MSH5: variants seen among roughly 807,000 people sequenced by gnomAD.
MSH5 encodes the protein mutS homolog 5.
MSH5 carries 78 observed loss-of-function variants against 107.7 expected under a neutral mutation model. That is an observed-to-expected ratio of 0.72 (90% CI 0.60 to 0.87). The LOEUF is 0.87. MSH5 is among the 40% of genes least tolerant of loss of function. The pLI, the probability that MSH5 is intolerant of heterozygous loss-of-function variation, is 0.00. For synonymous variants in MSH5, 326 were observed against 399.5 expected (o/e 0.82, Z 2.19); for missense variants, 889 against 1,046.6 (o/e 0.85, Z 2.08).
At chr6:31,755,595 C>T (rs1810381983) in intron 12 of MSH5, among the ~76,000 whole-genome samples, 1 of 152,156 alleles carries the variant, frequency 6.6e-6, no homozygotes, top group South Asian at 2.1e-4. Context: ...CTCCCGACCT[C>T]AGATGATCTG....
At chr6:31,757,995 A>C in intron 12 of MSH5, 170 bp from the exon 13 acceptor site, 1 of 742,042 alleles carries the variant, frequency 1.3e-6, no homozygotes, top group Non-Finnish European at 2.2e-6. Flanking sequence ...TTGTCTTTGT[A>C]GTTTCAGTGT....
chr6:31,743,915 A>C lies in MSH5; in HGVS notation c.427A>C (p.Ser143Arg). 1 of 1,613,288 alleles carries C rather than the reference A, an allele frequency of 6.2e-7. No individual in the cohort carries two copies. The highest frequency in any genetic ancestry group is 8.5e-7 in the Non-Finnish European group (1 of 1,179,992). ...LPSVDFGLEISKQRLLSGNYS... is the reference protein window; with the variant it reads ...LPSVDFGLEIRKQRLLSGNYS... ...CCTCCCTCAAATAGGTCTGGAGATAAGCAAACAACGCCTCCTTTCTGGAAA... is the reference window on the plus strand; with the variant it reads ...CCTCCCTCAAATAGGTCTGGAGATACGCAAACAACGCCTCCTTTCTGGAAA... Residue 143 changes from serine to arginine, a missense_variant, in exon 6 of 25, where the codon AGC (serine) becomes CGC (arginine). Around this residue, in one of 3 missense-constraint regions of MSH5, gnomAD observed 518 missense variants for 565.0 expected, o/e 0.92. Transcript: ENST00000375750.
chr6:31,750,638 G>T (rs1359182981), intron 10 of MSH5, among the ~76,000 whole-genome samples: 1 of 152,184 alleles, frequency 6.6e-6, no homozygotes, highest in Non-Finnish European at 1.5e-5. Context: ...TCTAAAGTGG[G>T]GATGGCTATT....
Position 31,761,455 on chromosome 6 carries a change from C to T in MSH5, c.2038-17C>T. ...GGTCCCCATGGCTCCGAATGCTAAC[C>T]TCTGCCCTCTTTGCAGGTGGATGGG... On this transcript the variant is annotated splice_polypyrimidine_tract_variant and intron_variant, in intron 21 of 24. Coordinates refer to ENST00000375750, the MANE Select transcript of MSH5 (RefSeq NM_172166.4). The surrounding 1 kb of genome is among the most constrained non-coding windows in gnomAD (Gnocchi z 5.3). 6.2e-7 allele frequency: 1 copy of T among 1,612,452 alleles called. No individual in the cohort carries two copies. Among genetic ancestry groups the T allele is most frequent in the Non-Finnish European group, 8.5e-7 (1 of 1,179,996 alleles).
intron 9 of MSH5, among the ~76,000 whole-genome samples, 167 bp downstream of exon 9, chr6:31,745,486 G>C (rs972172258): frequency 6.6e-6 from 1 of 151,546 alleles, no homozygotes; most frequent in African/African-American, 2.4e-5. Flanking sequence ...CCCCAAGCTT[G>C]AGCATCTTCC....
chr6:31,757,977 T>C, intron 12 of MSH5, 188 bp from the exon 13 acceptor site: 1 of 697,500 alleles, frequency 1.4e-6, no homozygotes. Context: ...GCCAGGACCA[T>C]ATCTTAATTG....
At position 31,761,064 on chromosome 6, in the gene MSH5, A is replaced by T; in HGVS notation, c.1963-124A>T. 9.5e-7 allele frequency: 1 copy of T among 1,057,160 alleles called. No homozygotes were observed. Among genetic ancestry groups the T allele is most frequent in the East Asian group, 2.6e-5 (1 of 38,380 alleles). The allele number at this position is 1,057,160 out of a possible 1,614,324, so 65.5% of individuals were successfully genotyped here. A position where few individuals can be genotyped will look rare whatever the true frequency, so the allele number is the denominator to read the frequency against. On this transcript the variant is annotated intron_variant, in intron 20 of 24. Coordinates refer to ENST00000375750, the MANE Select transcript of MSH5 (RefSeq NM_172166.4). The surrounding 1 kb of genome is among the most constrained non-coding windows in gnomAD (Gnocchi z 5.3). ...AGAGGATGAACAAAGCGTGCACCTC[A>T]CCATTCAAGAACTTGCAGTGCAGTA...
intron 3 of MSH5, among the ~76,000 whole-genome samples, chr6:31,741,857 T>G (rs1808944409): frequency 6.6e-6 from 1 of 152,052 alleles, no homozygotes; most frequent in South Asian, 2.1e-4. Flanking sequence ...CTCAGACTGC[T>G]TCAACTCATG....
chr6:31,741,516 C>T (rs1448711703), intron 3 of MSH5, among the ~76,000 whole-genome samples: 1 of 152,062 alleles, frequency 6.6e-6, no homozygotes, highest in East Asian at 1.9e-4. Context: ...GTAGCTGGGA[C>T]TACAGGCGTG....
rs1192553829 is a variant in MSH5, at chr6:31,740,789, C to T, written c.147+176C>T. Among the ~76,000 whole-genome samples, 1 of 152,080 alleles carries T rather than the reference C, an allele frequency of 6.6e-6. No individual in the cohort carries two copies. Among genetic ancestry groups the T allele is most frequent in the Non-Finnish European group, 1.5e-5 (1 of 67,992 alleles). On this transcript the variant is annotated intron_variant, in intron 2 of 24. Coordinates refer to ENST00000375750, the MANE Select transcript of MSH5 (RefSeq NM_172166.4). This position sits in a 1 kb window ranked among gnomAD's most constrained non-coding sequence, Gnocchi z 4.4. ...CAGCCTGGGCAACATGGCGAAACCC[C>T]GTCTCTACTAAAAATATAAAAATTA...
rs200755245 is a variant in MSH5, at chr6:31,761,521, G to A, written c.2087G>A (p.Arg696His). Residue 696 changes from arginine (R) to histidine (H), a missense_variant, in exon 22 of 25, where the codon CGT becomes CAT. Physicochemically the swap from Arg to His is conservative, Grantham distance 29 (BLOSUM62 0). This residue lies in a region of MSH5 where 362 missense variants were observed against 456.2 expected (regional missense o/e 0.79). Coordinates refer to ENST00000375750, the MANE Select transcript of MSH5 (RefSeq NM_172166.4). The surrounding 1 kb of genome is among the most constrained non-coding windows in gnomAD (Gnocchi z 5.3). ...LAAVLRHWLA[R>H]GPTCPHIFVA... ...GCTGTGCTCCGACACTGGCTGGCACGTGGACCCACATGCCCCCACATCTTT... is the reference window on the plus strand; with the variant it reads ...GCTGTGCTCCGACACTGGCTGGCACATGGACCCACATGCCCCCACATCTTT... 6.6e-5 allele frequency: 107 copies of A among 1,613,732 alleles called. No homozygotes were observed. The highest frequency in any genetic ancestry group is 5.2e-5 in the Non-Finnish European group (61 of 1,180,038).
Position 31,758,841 on chromosome 6 carries a change from G to T in MSH5, c.1292G>T (p.Arg431Leu), listed in dbSNP as rs146419845. 6 of 1,614,044 alleles carry T rather than the reference G, an allele frequency of 3.7e-6. No individual in the cohort carries two copies. Among genetic ancestry groups the T allele is most frequent in the Admixed American group, 1.7e-5 (1 of 59,996 alleles). ...AAGGAGCTGGAGAATCTGGACTCCC[G>T]TATTCCTTCATGCAGTGTCATCTAC... ...ARKELENLDS[R>L]IPSCSVIYIP... is the part of the protein sequence containing the mutation. The change falls in exon 15 of 25, where the codon CGT becomes CTT. Residue 431 changes from arginine (R) to leucine (L), a missense_variant. Coordinates refer to ENST00000375750, the MANE Select transcript of MSH5 (RefSeq NM_172166.4). This position sits in a 1 kb window ranked among gnomAD's most constrained non-coding sequence, Gnocchi z 5.1.
intron 9 of MSH5, among the ~76,000 whole-genome samples, chr6:31,747,054 C>T (rs752902105): frequency 2.0e-5 from 3 of 150,462 alleles, no homozygotes; most frequent in Non-Finnish European, 4.4e-5. Flanking sequence ...CTCCTGACCA[C>T]GTGATCCGTC....
At position 31,761,739 on chromosome 6, in the gene MSH5, C is replaced by T; in HGVS notation, c.2182-79C>T. On this transcript the variant is annotated intron_variant, in intron 22 of 24. Coordinates refer to ENST00000375750, the MANE Select transcript of MSH5 (RefSeq NM_172166.4). The surrounding 1 kb of genome is among the most constrained non-coding windows in gnomAD (Gnocchi z 5.3). ...GAGACCACATCCCTTCCCTTTTCTCCCTCCCCACAGGATTGGCCAAGGGTT... is the reference window on the plus strand; with the variant it reads ...GAGACCACATCCCTTCCCTTTTCTCTCTCCCCACAGGATTGGCCAAGGGTT... 1 of 1,612,350 alleles carries T rather than the reference C, an allele frequency of 6.2e-7. No individual in the cohort carries two copies. Among genetic ancestry groups the T allele is most frequent in the South Asian group, 1.1e-5 (1 of 91,026 alleles).
Position 31,745,296 on chromosome 6 carries a change from T to C in MSH5, c.743T>C (p.Leu248Pro). The C allele has an allele frequency of 6.2e-7, 1 of 1,613,244 alleles. No individual in the cohort carries two copies. Among genetic ancestry groups the C allele is most frequent in the South Asian group, 1.1e-5 (1 of 91,058 alleles). ...HPSVYKVASG[L>P]KEGLSLFGIL... ...TCAGTGTACAAAGTGGCCAGTGGACTGAAGGAGGGGCTCAGCCTCTTTGGT... is the reference window on the plus strand; with the variant it reads ...TCAGTGTACAAAGTGGCCAGTGGACCGAAGGAGGGGCTCAGCCTCTTTGGT... Residue 248 changes from leucine (L) to proline (P), a missense_variant, in exon 9 of 25, where the codon CTG becomes CCG. Transcript: ENST00000375750.
At position 31,753,163 on chromosome 6, in the gene MSH5, C is replaced by G. The variant is rs1463752014; in HGVS notation, c.813-138C>G. On this transcript the variant is annotated intron_variant, in intron 10 of 24. Transcript: ENST00000375750. Reference sequence around the variant, plus strand: ...ACACCTGAATGGGTAGGACACTGCACTTGCCACTACATTCCCATAGCACAT... The same window carrying G: ...ACACCTGAATGGGTAGGACACTGCAGTTGCCACTACATTCCCATAGCACAT... 3 of 1,090,440 alleles carry G rather than the reference C, an allele frequency of 2.8e-6. No homozygotes were observed. In the African/African-American group the frequency reaches 4.7e-5, roughly 17 times the overall value. The allele number at this position is 1,090,440 out of a possible 1,614,324, so 67.5% of individuals were successfully genotyped here. A position where few individuals can be genotyped will look rare whatever the true frequency, so the allele number is the denominator to read the frequency against.
chr6:31,743,566 G>A, intron 5 of MSH5: 1 of 450,386 alleles, frequency 2.2e-6, no homozygotes, highest in South Asian at 3.3e-5. Flanking sequence ...GAACAGGAGT[G>A]TACTATCCTA....
intron 10 of MSH5, among the ~76,000 whole-genome samples, chr6:31,748,344 C>CTTTTTTT (rs36029092): frequency 3.2e-5 from 4 of 126,582 alleles, no homozygotes; most frequent in South Asian, 2.7e-4. Flanking sequence ...CATGTCACTC[C>CTTTTTTT]TTTTTTTTTT....
Position 31,760,733 on chromosome 6 carries a change from C to T in MSH5, c.1856C>T (p.Pro619Leu). The stretch of plus-strand genomic sequence containing the variant: ...ATGGCCCTGGTAGGCAGCTTTGTGC[C>T]AGCAGAGGAGGCCGAAATTGGGGCA... ...TFMALVGSFV[P>L]AEEAEIGAVD... Residue 619 changes from proline (P) to leucine (L), a missense_variant, in exon 20 of 25, where the codon CCA becomes CTA. By Grantham distance (98) the Pro-to-Leu change is moderately conservative. Transcript: ENST00000375750. This position sits in a 1 kb window ranked among gnomAD's most constrained non-coding sequence, Gnocchi z 5.6. The T allele has an allele frequency of 6.2e-7, 1 of 1,613,042 alleles. No homozygotes were observed. The highest frequency in any genetic ancestry group is 8.5e-7 in the Non-Finnish European group (1 of 1,180,042).
Sources: allele counts gnomAD v4.1 joint callset (sites outside exome capture counted in the v4.1 genomes callset), GRCh38; gene constraint gnomAD v4.1.1; regional missense constraint gnomAD v4.1.1; non-coding constraint Gnocchi (gnomAD v3.1); transcripts MANE v1.5; gene names NCBI Gene and HGNC (gene_info 2026-07-23, HGNC 2026-07-21).